Variants in SATB2 observed in about 807,000 individuals in gnomAD.
SATB2 encodes DNA-binding protein SATB2.
A neutral mutation model predicts 73.4 loss-of-function variants in SATB2; 1 was observed. The ratio of observed to expected loss-of-function variants is 0.01; its 90% CI spans 0.00 to 0.06. The LOEUF is 0.06. Ranked by LOEUF, SATB2 falls within the 10% of genes least tolerant of loss-of-function variation. The probability of loss-of-function intolerance (pLI) is 1.00; values close to 1 mark genes in which losing one functional copy is unlikely to be tolerated. For synonymous variants in SATB2, 397 were observed against 367.0 expected, an observed-to-expected ratio of 1.08 and a Z score of -0.93; for missense variants, 459 against 945.8, an observed-to-expected ratio of 0.49 and a Z score of 6.75.
At chr2:199,430,303 C>T (rs1454725003) in intron 3 of SATB2, among the ~76,000 whole-genome samples, 2 of 152,346 alleles carry the variant, frequency 1.3e-5, no homozygotes, top group African/African-American at 2.4e-5. Flanking sequence ...AAAAGACTTT[C>T]AATGCAGAGA....
intron 10 of SATB2, among the ~76,000 whole-genome samples, chr2:199,303,257 C>A (rs958121005): frequency 2.0e-4 from 30 of 152,122 alleles, no homozygotes; most frequent in African/African-American, 7.2e-4. Flanking sequence ...TAAAAACCAA[C>A]CACCCCTTTG....
rs1438154598 is a variant in SATB2, at chr2:199,464,011, C to G, written c.-141+825G>C. 6.6e-6 allele frequency among the ~76,000 whole-genome samples: 1 copy of G among 152,196 alleles called. No homozygotes were observed. Among genetic ancestry groups the G allele is most frequent in the Non-Finnish European group, 1.5e-5 (1 of 68,038 alleles). ...GCGAAAAAGCCCGCTGCGGGACCCA[C>G]GGTCCCAGACACCTACTGGAGCCAG... is the stretch of plus-strand genomic sequence containing the variant. On this transcript the variant is annotated intron_variant, in intron 1 of 11. Transcript: ENST00000260926. This position sits in a 1 kb window ranked among gnomAD's most constrained non-coding sequence, Gnocchi z 6.6.
chr2:199,460,808 T>G (rs184070558), upstream of SATB2, among the ~76,000 whole-genome samples: 6 of 152,386 alleles, frequency 3.9e-5, no homozygotes, highest in East Asian at 1.2e-3. This position sits in a 1 kb window ranked among gnomAD's most constrained non-coding sequence, Gnocchi z 4.0. Flanking sequence ...TTATAAAGTG[T>G]AAATATTTTA....
At chr2:199,371,305 G>A (rs551554925) in intron 5 of SATB2, among the ~76,000 whole-genome samples, 1 of 152,052 alleles carries the variant, frequency 6.6e-6, no homozygotes, top group East Asian at 1.9e-4. Flanking sequence ...CATACCACAA[G>A]GTCATCTTGA....
intron 3 of SATB2, among the ~76,000 whole-genome samples, chr2:199,420,504 T>C (rs1031573395): frequency 6.6e-6 from 1 of 152,174 alleles, no homozygotes; most frequent in Non-Finnish European, 1.5e-5. Flanking sequence ...CAGCATCCCT[T>C]ATTGAGTACT....
rs772055529 is a variant in SATB2, at chr2:199,271,774, A to G, written c.*437T>C. 1 of 163,968 alleles carries G rather than the reference A, an allele frequency of 6.1e-6. No individual in the cohort carries two copies. The highest frequency in any genetic ancestry group is 1.4e-5 in the Non-Finnish European group (1 of 73,772). The allele number at this position is 163,968 out of a possible 1,614,324, so 10.2% of individuals were successfully genotyped here. The stretch of plus-strand genomic sequence containing the variant: ...TCTGTCCCATGCAATTTTAATATAT[A>G]TATGTAAATATAGAGATATATACAT... On this transcript the variant is annotated 3_prime_UTR_variant, in exon 11 of 11. Transcript: ENST00000417098.
upstream of SATB2, among the ~76,000 whole-genome samples, chr2:199,467,888 A>G (rs1291345213): frequency 2.6e-5 from 4 of 152,142 alleles, no homozygotes; most frequent in Non-Finnish European, 4.4e-5. Context: ...CTCAGCATCC[A>G]GGTCCTGAAA....
intron 3 of SATB2, among the ~76,000 whole-genome samples, chr2:199,405,198 A>T (rs1690594494): frequency 6.6e-6 from 1 of 152,050 alleles, no homozygotes; most frequent in South Asian, 2.1e-4. Flanking sequence ...ATGTCCCTTG[A>T]CTCCTCATTT....
chr2:199,422,290 T>C (rs978470346), intron 3 of SATB2, among the ~76,000 whole-genome samples: 5 of 151,022 alleles, frequency 3.3e-5, no homozygotes, highest in African/African-American at 1.2e-4. Flanking sequence ...CTTCTACTTT[T>C]AAAAATTTTT....
At chr2:199,349,550 T>G (rs3828186) in intron 6 of SATB2, among the ~76,000 whole-genome samples, 1 of 152,168 alleles carries the variant, frequency 6.6e-6, no homozygotes, top group Admixed American at 6.5e-5. Flanking sequence ...TTCTGTAGTA[T>G]GTAGTTAATG....
intron 10 of SATB2, among the ~76,000 whole-genome samples, chr2:199,279,720 C>A (rs1286757156): frequency 1.3e-5 from 2 of 152,134 alleles, no homozygotes; most frequent in Non-Finnish European, 2.9e-5. Flanking sequence ...TGACTTTTAT[C>A]CACGTTTATT....
chr2:199,309,173 C>T (rs1211612800), intron 9 of SATB2, among the ~76,000 whole-genome samples: 2 of 152,210 alleles, frequency 1.3e-5, no homozygotes, highest in Non-Finnish European at 2.9e-5. Context: ...TGTTAGATAT[C>T]GTATCACCCT....
At chr2:199,339,895 T>C (rs1688454123) in intron 7 of SATB2, among the ~76,000 whole-genome samples, 1 of 152,202 alleles carries the variant, frequency 6.6e-6, no homozygotes. Context: ...ATATTTTGGT[T>C]GCCAGGATTT....
rs1283875059 is a variant in SATB2 at position 199,463,194 on chromosome 2, C to T, written c.-141+1642G>A. Among the ~76,000 whole-genome samples the T allele has an allele frequency of 6.6e-6, 1 of 152,150 alleles. No homozygotes were observed. Among genetic ancestry groups the T allele is most frequent in the Non-Finnish European group, 1.5e-5 (1 of 68,016 alleles). On this transcript the variant is annotated intron_variant, in intron 1 of 11. Transcript: ENST00000260926. The surrounding 1 kb of genome is among the most constrained non-coding windows in gnomAD (Gnocchi z 6.4). ...GGCGCCCTTCATTCTTTTGCAGAGCCCAGAACTTAATAGGTGGGTCCCCTT... is the reference window on the plus strand; with the variant it reads ...GGCGCCCTTCATTCTTTTGCAGAGCTCAGAACTTAATAGGTGGGTCCCCTT...
At chr2:199,346,999 A>G (rs948823598) in intron 7 of SATB2, 2 of 151,596 alleles carry the variant, frequency 1.3e-5, no homozygotes, top group African/African-American at 4.9e-5. Context: ...AGTAGCTGAG[A>G]CTACAGGCAC....
At chr2:199,273,578 A>AAATATTT (rs1310470666) in intron 10 of SATB2, among the ~76,000 whole-genome samples, 2 of 152,208 alleles carry the variant, frequency 1.3e-5, no homozygotes, top group Non-Finnish European at 2.9e-5. Context: ...ATTTTTTAGA[A>AAATATTT]TGAGAAAATA....
chr2:199,384,196 G>A (rs928930882), intron 3 of SATB2, among the ~76,000 whole-genome samples: 1 of 152,166 alleles, frequency 6.6e-6, no homozygotes, highest in African/African-American at 2.4e-5. Flanking sequence ...ACACACAGGT[G>A]TTTTAACAAC....
Position 199,462,948 on chromosome 2 carries a change from G to T in SATB2, c.-141+1888C>A, listed in dbSNP as rs1033219261. ...CCCAGGAGCTGCCTCAGGCGAGGAC[G>T]GGGAGCTTTCTGCACTGGGCTTCCC... On this transcript the variant is annotated intron_variant, in intron 1 of 11. Coordinates refer to the SATB2 transcript ENST00000260926. This position sits in a 1 kb window ranked among gnomAD's most constrained non-coding sequence, Gnocchi z 5.9. 1.3e-5 allele frequency among the ~76,000 whole-genome samples: 2 copies of T among 152,216 alleles called. No individual in the cohort carries two copies. The highest frequency in any genetic ancestry group is 4.8e-5 in the African/African-American group (2 of 41,462).
intron 6 of SATB2, among the ~76,000 whole-genome samples, chr2:199,366,975 T>C (rs942124338): frequency 6.6e-6 from 1 of 151,290 alleles, no homozygotes; most frequent in African/African-American, 2.4e-5. Context: ...GAGTGAAGAG[T>C]TTCCAATCTT....
Sources: gnomAD v4.1 joint callset for allele counts (sites outside exome capture counted in the v4.1 genomes callset) on GRCh38, gnomAD v4.1.1 for gene constraint, Gnocchi (gnomAD v3.1) non-coding constraint, MANE v1.5 for transcripts, NCBI Gene and HGNC (gene_info 2026-07-23, HGNC 2026-07-21) for gene names.